The following LSM12 variants were observed in gnomAD, a reference collection of about 807,000 sequenced individuals.
The protein encoded by LSM12 is LSM12 homolog.
For synonymous variants in LSM12, 74 were observed against 87.3 expected (o/e 0.85, Z 0.85); for missense variants, 108 against 238.9 (o/e 0.45, Z 3.61).
intron 2 of LSM12, among the ~76,000 whole-genome samples, chr17:44,056,686 C>A (rs1255404262): frequency 1.3e-5 from 2 of 149,964 alleles, no homozygotes; most frequent in African/African-American, 4.9e-5. Flanking sequence ...AAGGAAAACT[C>A]CTCTCCAAAA....
chr17:44,041,286 A>C (rs1436037960), intron 2 of LSM12, among the ~76,000 whole-genome samples: 1,955 of 113,348 alleles, frequency 0.017, 24 homozygotes, highest in African/African-American at 0.038. Flanking sequence ...AAAAAAAAAA[A>C]ACAAACACAC....
intron 2 of LSM12, chr17:44,040,475 T>C (rs760241057): frequency 1.3e-5 from 6 of 468,190 alleles, no homozygotes; most frequent in Non-Finnish European, 2.0e-5. Flanking sequence ...TAATACTTAC[T>C]GCATACCTAC....
rs1482857081 is a variant in LSM12, at chr17:44,066,556, A to G, written c.32T>C (p.Val11Ala). The stretch of plus-strand genomic sequence containing the variant: ...CGTCCGGCACGACACCTGGCTCCCA[A>G]CGCTGAAGTACTCGCCCGGAGGAGC... MAAPPGEYFSVGSQVSCRTCQ... is the reference protein window; with the variant it reads MAAPPGEYFSAGSQVSCRTCQ... Residue 11 changes from valine (V) to alanine (A), a missense_variant, in exon 1 of 5, where the codon GTT becomes GCT. Coordinates refer to ENST00000293406, the MANE Select transcript of LSM12 (RefSeq NM_001371445.1). The G allele has an allele frequency of 2.7e-6, 4 of 1,498,402 alleles. No homozygotes were observed. The highest frequency in any genetic ancestry group is 2.9e-5 in the East Asian group (1 of 34,442). 92.8% of individuals were successfully genotyped at this position (1,498,402 alleles called of 1,614,324 possible).
chr17:44,058,571 G>A lies in LSM12; in HGVS notation c.258+5230C>T, dbSNP rs149557548. 4.6e-3 allele frequency among the ~76,000 whole-genome samples: 703 copies of A among 152,174 alleles called. 3 individuals carry two copies. Among genetic ancestry groups the A allele is most frequent in the Middle Eastern group, 0.024 (7 of 294 alleles). On this transcript the variant is annotated intron_variant, in intron 2 of 4. Transcript: ENST00000293406. ...AACTAGGCTGGGCGCGGTGGCTCAC[G>A]CCTGTAAACCCAGCACTTTGGGAGG...
rs1425580446 is a variant in LSM12 at position 44,060,111 on chromosome 17, G to C, written c.258+3690C>G. Among the ~76,000 whole-genome samples the C allele has an allele frequency of 2.6e-5, 4 of 152,204 alleles. 1 individual carries two copies. The highest frequency in any genetic ancestry group is 5.9e-5 in the Non-Finnish European group (4 of 68,044). ...ACCCGGGAGGTGGAGCTTGCAGTGAGCCGAGATGGCGCCACTGCACTCCAG... is the reference window on the plus strand; with the variant it reads ...ACCCGGGAGGTGGAGCTTGCAGTGACCCGAGATGGCGCCACTGCACTCCAG... On this transcript the variant is annotated intron_variant, in intron 2 of 4. Transcript: ENST00000293406.
At chr17:44,040,713 G>C (rs2049476396) in intron 2 of LSM12, among the ~76,000 whole-genome samples, 1 of 151,952 alleles carries the variant, frequency 6.6e-6, no homozygotes, top group African/African-American at 2.4e-5. Context: ...GGTGGCTCAT[G>C]CCTGTAATCC....
chr17:44,044,717 A>C (rs2049538829), intron 2 of LSM12, among the ~76,000 whole-genome samples: 1 of 152,182 alleles, frequency 6.6e-6, no homozygotes, highest in African/African-American at 2.4e-5. Flanking sequence ...CTTTTTTCAA[A>C]ATTGAGGGTG....
intron 2 of LSM12, among the ~76,000 whole-genome samples, chr17:44,045,051 A>G (rs6503487): frequency 0.15 from 22,107 of 151,860 alleles, 1,982 homozygotes; most frequent in African/African-American, 0.25. Context: ...TTTTTGAGAC[A>G]AAGTCTTGCT....
chr17:44,054,566 A>C (rs1044326851), intron 2 of LSM12, among the ~76,000 whole-genome samples: 1 of 152,162 alleles, frequency 6.6e-6, no homozygotes, highest in Non-Finnish European at 1.5e-5. Context: ...TCAACCTCCC[A>C]AAGTGCTGGG....
At chr17:44,049,191 AAACAAC>A (rs369527650) in intron 2 of LSM12, among the ~76,000 whole-genome samples, 6 of 151,908 alleles carry the variant, frequency 3.9e-5, no homozygotes, top group Non-Finnish European at 5.9e-5. Flanking sequence ...TGTCTTTAAA[AAACAAC>A]AACAACAACA....
intron 3 of LSM12, 70 bp downstream of exon 3, chr17:44,040,077 A>G: frequency 8.3e-7 from 1 of 1,204,800 alleles, no homozygotes; most frequent in Non-Finnish European, 1.2e-6. Flanking sequence ...ACCACCCAAA[A>G]GCCTGCCACC....
chr17:44,064,849 T>G (rs2144118737), intron 1 of LSM12, among the ~76,000 whole-genome samples: 1 of 151,908 alleles, frequency 6.6e-6, no homozygotes, highest in East Asian at 1.9e-4. Flanking sequence ...AAGCAACTAT[T>G]CTTAGGCCGC....
intron 2 of LSM12, among the ~76,000 whole-genome samples, chr17:44,041,533 C>T (rs192766105): frequency 7.8e-4 from 119 of 152,304 alleles, no homozygotes; most frequent in African/African-American, 2.8e-3. Context: ...TAAACGCTGT[C>T]CACCTTTAAC....
At position 44,066,640 on chromosome 17, in the gene LSM12, C is replaced by T. The variant is rs1165360062; in HGVS notation, c.-53G>A. 2.3e-6 allele frequency: 3 copies of T among 1,297,048 alleles called. No individual in the cohort carries two copies. Among genetic ancestry groups the T allele is most frequent in the East Asian group, 6.4e-5 (2 of 31,080 alleles). The allele number at this position is 1,297,048 out of a possible 1,614,324, so 80.3% of individuals were successfully genotyped here. On this transcript the variant is annotated 5_prime_UTR_variant, in exon 1 of 5. Coordinates refer to ENST00000293406, the MANE Select transcript of LSM12 (RefSeq NM_001371445.1). ...GGCGGCGGCAGCAGCGGGCGAAAGCCGGGCCCCCAGTGAGCGCCGCGACGC... is the reference window on the plus strand; with the variant it reads ...GGCGGCGGCAGCAGCGGGCGAAAGCTGGGCCCCCAGTGAGCGCCGCGACGC...
chr17:44,061,029 G>C (rs899821631), intron 2 of LSM12, among the ~76,000 whole-genome samples: 5 of 152,076 alleles, frequency 3.3e-5, no homozygotes, highest in East Asian at 1.9e-4. Flanking sequence ...TAATACACTA[G>C]GAATAATGCT....
chr17:44,051,092 TG>T (rs1205990343), intron 2 of LSM12, among the ~76,000 whole-genome samples: 11 of 151,908 alleles, frequency 7.2e-5, no homozygotes, highest in African/African-American at 2.2e-4. Context: ...GCCAACATAG[TG>T]AAACCCCCTC....
In LSM12 at chr17:44,066,615, G is replaced by A. The variant is rs1265468213; in HGVS notation, c.-28C>T. 13 of 1,323,908 alleles carry A rather than the reference G, an allele frequency of 9.8e-6. No homozygotes were observed. The highest frequency in any genetic ancestry group is 4.3e-5 in the South Asian group (2 of 46,018). 82.0% of individuals were successfully genotyped at this position (1,323,908 alleles called of 1,614,324 possible). The stretch of plus-strand genomic sequence containing the variant: ...TGGGAGTGCAGCCGCGGCCGGCGGC[G>A]GCGGCGGCAGCAGCGGGCGAAAGCC... On this transcript the variant is annotated 5_prime_UTR_variant, in exon 1 of 5. Transcript: ENST00000293406.
At chr17:44,050,142 C>T (rs1464244907) in intron 2 of LSM12, among the ~76,000 whole-genome samples, 1 of 152,120 alleles carries the variant, frequency 6.6e-6, no homozygotes, top group Non-Finnish European at 1.5e-5. Flanking sequence ...TCTTGTTGCC[C>T]AGGCTGGAGT....
intron 2 of LSM12, among the ~76,000 whole-genome samples, chr17:44,042,973 T>G (rs2144076955): frequency 6.6e-6 from 1 of 151,640 alleles, no homozygotes; most frequent in Non-Finnish European, 1.5e-5. Flanking sequence ...AAAGTGCTGG[T>G]ATTACAGGCG....
Sources: gnomAD v4.1 joint callset for allele counts (sites outside exome capture counted in the v4.1 genomes callset) on GRCh38, gnomAD v4.1.1 for gene constraint, MANE v1.5 for transcripts, NCBI Gene and HGNC (gene_info 2026-07-23, HGNC 2026-07-21) for gene names.